Variants in MANBA observed in about 807,000 individuals in gnomAD.
MANBA encodes the protein beta-mannosidase.
Under a neutral mutation model 111.1 loss-of-function variants are expected in MANBA, and 83 were observed. The ratio of observed to expected loss-of-function variants is 0.75; its 90% CI spans 0.63 to 0.90. The LOEUF (loss-of-function observed/expected upper bound fraction) is 0.90. Among genes scored for constraint, MANBA ranks in the 40% least tolerant of loss-of-function variants. The probability of loss-of-function intolerance (pLI) is 0.00; values close to 1 mark genes in which losing one functional copy is unlikely to be tolerated. For synonymous variants in MANBA, 370 were observed against 378.7 expected (o/e 0.98, Z 0.27); for missense variants, 1,036 against 1,069.0 (o/e 0.97, Z 0.43).
chr4:102,758,764 C>G (rs1019980691), intron 1 of MANBA, among the ~76,000 whole-genome samples: 1 of 151,994 alleles, frequency 6.6e-6, no homozygotes, highest in Non-Finnish European at 1.5e-5. Context: ...CTGGTCTAAA[C>G]TCCACCTACC....
intron 16 of MANBA, 146 bp downstream of exon 16, chr4:102,634,642 G>T: frequency 9.3e-7 from 1 of 1,076,402 alleles, no homozygotes; most frequent in Non-Finnish European, 1.4e-6. Flanking sequence ...GCTTTTAGTG[G>T]GAAGAGGCCA....
In MANBA at chr4:102,689,599, C is replaced by G. The variant is rs1483686622; in HGVS notation, c.935G>C (p.Gly312Ala). The change falls in exon 7 of 17, where the codon GGC (glycine) becomes GCC (alanine). Residue 312 changes from glycine (G) to alanine (A), a missense_variant. Physicochemically the swap from Gly to Ala is moderately conservative, Grantham distance 60. Transcript: ENST00000647097. Reference protein sequence around the residue: ...NMTVLFELDGGLNIEKSAKVY... With the variant: ...NMTVLFELDGALNIEKSAKVY... ...CTTAGCTGATTTTTCAATATTTAAG[C>G]CTCCATCCAGTTCAAAAAGAACAGT... 3 of 1,604,370 alleles carry G rather than the reference C, an allele frequency of 1.9e-6. No individual in the cohort carries two copies. In the East Asian group the frequency reaches 6.7e-5, roughly 36 times the overall value.
chr4:102,705,942 T>C (rs1733277241), intron 5 of MANBA, among the ~76,000 whole-genome samples: 1 of 152,204 alleles, frequency 6.6e-6, no homozygotes, highest in African/African-American at 2.4e-5. Flanking sequence ...CCTACGGGCC[T>C]GGGGACTAGT....
rs72937832 is a variant in MANBA at position 102,728,057 on chromosome 4, G to C, written c.178-1374C>G. ...CACAGGTAGGGCTTTTGCAGGGGTG[G>C]AGATAGAAGGCACGCCCATGGAGAA... On this transcript the variant is annotated intron_variant, in intron 1 of 16. Transcript: ENST00000647097. The C allele has an allele frequency of 4.6e-3, 2,371 of 515,522 alleles. 47 individuals carry two copies. The highest frequency in any genetic ancestry group is 0.042 in the African/African-American group (2,166 of 51,496). The allele number at this position is 515,522 out of a possible 1,614,324, so 31.9% of individuals were successfully genotyped here. A position where few individuals can be genotyped will look rare whatever the true frequency, so the allele number is the denominator to read the frequency against.
At chr4:102,648,579 T>C (rs1560746949) in intron 13 of MANBA, among the ~76,000 whole-genome samples, 1 of 151,920 alleles carries the variant, frequency 6.6e-6, no homozygotes, top group Non-Finnish European at 1.5e-5. Context: ...CAGCTGGAGG[T>C]GGGAAAGGGG....
intron 13 of MANBA, among the ~76,000 whole-genome samples, chr4:102,643,296 G>A (rs1034282267): frequency 1.3e-5 from 2 of 151,998 alleles, no homozygotes; most frequent in Non-Finnish European, 1.5e-5. Context: ...TTGTCTATTC[G>A]TCAGCTGAAA....
intron 1 of MANBA, chr4:102,754,002 C>CAAAAAAAAAAAAA (rs35420022): frequency 5.9e-6 from 1 of 168,416 alleles, no homozygotes; most frequent in Non-Finnish European, 1.2e-5. Flanking sequence ...GACTCTGTCT[C>CAAAAAAAAAAAAA]AAAAAAAAAA....
intron 1 of MANBA, among the ~76,000 whole-genome samples, chr4:102,735,327 C>T (rs186800688): frequency 6.6e-6 from 1 of 152,096 alleles, no homozygotes; most frequent in East Asian, 1.9e-4. Flanking sequence ...CTTTTCAACC[C>T]TTCAACCCAT....
intron 1 of MANBA, among the ~76,000 whole-genome samples, chr4:102,741,805 A>G (rs1160610066): frequency 1.3e-5 from 2 of 152,206 alleles, no homozygotes; most frequent in African/African-American, 4.8e-5. Flanking sequence ...ATAAAAGACT[A>G]CACATTGGGT....
At chr4:102,711,289 T>C (rs1722053918) in intron 5 of MANBA, among the ~76,000 whole-genome samples, 1 of 152,064 alleles carries the variant, frequency 6.6e-6, no homozygotes, top group East Asian at 1.9e-4. Flanking sequence ...TAACCCCATT[T>C]AAAAGTGGGC....
chr4:102,681,290 G>A (rs1731966218), intron 7 of MANBA, among the ~76,000 whole-genome samples: 2 of 152,106 alleles, frequency 1.3e-5, no homozygotes, highest in South Asian at 4.1e-4. Context: ...AAGCTGCAGT[G>A]AGCTATGAGC....
At chr4:102,700,966 G>A (rs1269797013) in intron 5 of MANBA, among the ~76,000 whole-genome samples, 2 of 151,948 alleles carry the variant, frequency 1.3e-5, no homozygotes, top group Admixed American at 1.3e-4. Context: ...GGGTGTTAAA[G>A]TCTCCCATTA....
Position 102,639,799 on chromosome 4 carries a change from T to G in MANBA, c.1928A>C (p.Glu643Ala). Residue 643 changes from glutamate to alanine, a missense_variant, in exon 14 of 17, where the codon GAG becomes GCG. Physicochemically the swap from Glu to Ala is moderately radical, Grantham distance 107. Transcript: ENST00000647097. ...ETEFYRRSRS[E>A]IVDQQGHTMG... ...CGTGTGCCCTTGCTGATCCACTATC[T>G]CGCTGCGACTACGGCGGTAGAATTC... The G allele has an allele frequency of 6.2e-7, 1 of 1,614,086 alleles. No individual in the cohort carries two copies. The highest frequency in any genetic ancestry group is 1.1e-5 in the South Asian group (1 of 91,076).
At chr4:102,710,996 C>A (rs1324991654) in intron 5 of MANBA, among the ~76,000 whole-genome samples, 1 of 152,062 alleles carries the variant, frequency 6.6e-6, no homozygotes, top group Non-Finnish European at 1.5e-5. Flanking sequence ...AACATAAGAC[C>A]TGAAACGATA....
At chr4:102,671,970 A>G (rs1731518343) in intron 8 of MANBA, 1 of 402,682 alleles carries the variant, frequency 2.5e-6, no homozygotes, top group Admixed American at 4.3e-5. Context: ...GCAGACCCAG[A>G]GCACTGTGGG....
chr4:102,720,442 A>C (rs1722518610), intron 4 of MANBA, among the ~76,000 whole-genome samples: 1 of 147,064 alleles, frequency 6.8e-6, no homozygotes, highest in African/African-American at 2.5e-5. Flanking sequence ...CTCAAAAAAA[A>C]AAAAATACAA....
At chr4:102,744,288 TC>T (rs1231935457) in intron 1 of MANBA, among the ~76,000 whole-genome samples, 1 of 152,180 alleles carries the variant, frequency 6.6e-6, no homozygotes, top group Non-Finnish European at 1.5e-5. Flanking sequence ...AGGTAGAAGT[TC>T]CCTGAATTTT....
At chr4:102,677,820 C>T (rs72940748) in intron 7 of MANBA, among the ~76,000 whole-genome samples, 6,627 of 152,144 alleles carry the variant, frequency 0.044, 459 homozygotes, top group African/African-American at 0.15. Flanking sequence ...ATTATTTCCA[C>T]TGGTTTTTTT....
In MANBA at chr4:102,654,816, T is replaced by C. The variant is rs187272206; in HGVS notation, c.1704+2866A>G. 2.2e-4 allele frequency among the ~76,000 whole-genome samples: 33 copies of C among 152,242 alleles called. No individual in the cohort carries two copies. In the East Asian group the frequency reaches 5.2e-3, roughly 24 times the overall value. ...CTCGTCTTCCCACTCATTTTCTACATTGTATGAAAAGTTCTAGCCAGGGAA... is the reference window on the plus strand; with the variant it reads ...CTCGTCTTCCCACTCATTTTCTACACTGTATGAAAAGTTCTAGCCAGGGAA... On this transcript the variant is annotated intron_variant, in intron 12 of 16. Transcript: ENST00000647097.
Sources: allele counts gnomAD v4.1 joint callset (sites outside exome capture counted in the v4.1 genomes callset), GRCh38; gene constraint gnomAD v4.1.1; transcripts MANE v1.5; gene names NCBI Gene and HGNC (gene_info 2026-07-23, HGNC 2026-07-21).